Variants in TMEM117 observed in about 807,000 individuals in gnomAD.
TMEM117 encodes transmembrane protein 117.
A neutral mutation model predicts 52.4 loss-of-function variants in TMEM117; 27 were observed. That is an observed-to-expected ratio of 0.51 (90% CI 0.38 to 0.71). The LOEUF (loss-of-function observed/expected upper bound fraction) is 0.71, where lower values mean the gene tolerates loss of function less well. Ranked by LOEUF, TMEM117 falls within the 30% of genes least tolerant of loss-of-function variation. The pLI is 0.00. For missense variants in TMEM117, 556 were observed against 630.5 expected, an observed-to-expected ratio of 0.88 and a Z score of 1.26; for synonymous variants, 215 against 206.3, an observed-to-expected ratio of 1.04 and a Z score of -0.36.
chr12:44,046,479 G>A (rs377363816), intron 3 of TMEM117, among the ~76,000 whole-genome samples: 1 of 152,154 alleles, frequency 6.6e-6, no homozygotes, highest in Non-Finnish European at 1.5e-5. Context: ...CTGTGATTAA[G>A]GTCAATGGGA....
intron 3 of TMEM117, among the ~76,000 whole-genome samples, chr12:44,065,797 C>T (rs1947213250): frequency 6.6e-6 from 1 of 152,162 alleles, no homozygotes; most frequent in South Asian, 2.1e-4. Context: ...AGCTAACATT[C>T]AGCAAAGTGG....
intron 2 of TMEM117, among the ~76,000 whole-genome samples, chr12:43,861,796 T>A (rs1052251163): frequency 6.8e-6 from 1 of 147,142 alleles, no homozygotes; most frequent in Admixed American, 6.8e-5. Flanking sequence ...CAGTGGTGAA[T>A]AATAATAATA....
intron 3 of TMEM117, among the ~76,000 whole-genome samples, chr12:44,049,392 A>G (rs2137920358): frequency 6.6e-6 from 1 of 152,216 alleles, no homozygotes; most frequent in East Asian, 1.9e-4. Context: ...AGGGAGGGGA[A>G]CATCACACAC....
the TMEM117 span, chr12:43,797,171 T>G: frequency 6.7e-7 from 1 of 1,491,778 alleles, no homozygotes; most frequent in Middle Eastern, 1.9e-4. Flanking sequence ...TATATAAACT[T>G]CATAAAAACA....
intron 4 of TMEM117, among the ~76,000 whole-genome samples, chr12:44,175,169 G>A (rs1276600848): frequency 6.6e-6 from 1 of 152,172 alleles, no homozygotes; most frequent in Non-Finnish European, 1.5e-5. Flanking sequence ...TTTTTTTGAG[G>A]ACAAAGAGTT....
chr12:44,070,619 G>A (rs920063923), intron 3 of TMEM117, among the ~76,000 whole-genome samples: 18 of 152,190 alleles, frequency 1.2e-4, no homozygotes, highest in African/African-American at 4.1e-4. Flanking sequence ...GAGATGGCAA[G>A]CTTCATTTTA....
chr12:43,860,136 C>T (rs866669886), intron 2 of TMEM117, among the ~76,000 whole-genome samples: 2 of 152,172 alleles, frequency 1.3e-5, no homozygotes, highest in African/African-American at 2.4e-5. Context: ...AACCCATCAC[C>T]TACATTAGGT....
chr12:44,028,929 A>T (rs1196140680), intron 3 of TMEM117, among the ~76,000 whole-genome samples: 1 of 152,114 alleles, frequency 6.6e-6, no homozygotes, highest in Non-Finnish European at 1.5e-5. Flanking sequence ...CCTGACCCAA[A>T]TGCTAACTTT....
chr12:43,936,551 G>A (rs1420270211), intron 2 of TMEM117, among the ~76,000 whole-genome samples: 2 of 152,096 alleles, frequency 1.3e-5, no homozygotes, highest in Non-Finnish European at 2.9e-5. Flanking sequence ...ATGAAGACAA[G>A]GACTGAGGAC....
chr12:44,185,177 A>C (rs1274555657), intron 4 of TMEM117, among the ~76,000 whole-genome samples: 1 of 152,180 alleles, frequency 6.6e-6, no homozygotes, highest in East Asian at 1.9e-4. Flanking sequence ...ATGCCTTTTG[A>C]TAAGAGCTGA....
intron 3 of TMEM117, among the ~76,000 whole-genome samples, chr12:43,989,288 A>G (rs1945898847): frequency 6.6e-6 from 1 of 152,080 alleles, no homozygotes; most frequent in South Asian, 2.1e-4. Context: ...TATATTATTC[A>G]TTGCTTTCTA....
intron 3 of TMEM117, among the ~76,000 whole-genome samples, chr12:43,955,164 C>T (rs1206332763): frequency 1.3e-5 from 2 of 151,690 alleles, no homozygotes; most frequent in East Asian, 3.9e-4. Flanking sequence ...TGACAAAAAA[C>T]AGTCAATAAC....
chr12:44,269,286 A>G (rs1404723345), intron 5 of TMEM117, among the ~76,000 whole-genome samples: 2 of 152,074 alleles, frequency 1.3e-5, no homozygotes, highest in African/African-American at 2.4e-5. Flanking sequence ...TACCACCCCA[A>G]TCCACACTCC....
chr12:44,363,723 G>T (rs1469850624), intron 6 of TMEM117, among the ~76,000 whole-genome samples: 6 of 152,162 alleles, frequency 3.9e-5, no homozygotes, highest in Non-Finnish European at 7.4e-5. Flanking sequence ...TCTAAAAGAA[G>T]AGATTTGAAG....
chr12:44,009,080 T>G (rs934648945), intron 3 of TMEM117: 1 of 364,990 alleles, frequency 2.7e-6, no homozygotes. Context: ...CTGTGTGGTG[T>G]TTCCCATGAA....
chr12:44,250,074 A>C (rs1206827854), intron 5 of TMEM117, among the ~76,000 whole-genome samples: 2 of 152,186 alleles, frequency 1.3e-5, no homozygotes, highest in African/African-American at 2.4e-5. Context: ...AATGGGAGAA[A>C]ATTTTTGCAG....
chr12:44,306,358 A>G lies in TMEM117; in HGVS notation c.768+6619A>G, dbSNP rs200055492. On this transcript the variant is annotated intron_variant, in intron 6 of 7. Coordinates refer to ENST00000266534, the MANE Select transcript of TMEM117 (RefSeq NM_032256.3). ...CTAGCAGAAATCTACTCATATTTCT[A>G]TATCAATAAATACAAATATATGTGT... 3.9e-5 allele frequency among the ~76,000 whole-genome samples: 6 copies of G among 152,348 alleles called. No individual in the cohort carries two copies. The East Asian group carries it at 7.7e-4, about 20-fold the overall frequency.
chr12:44,376,464 A>C, intron 6 of TMEM117, 131 bp from the exon 7 acceptor site: 1 of 1,073,628 alleles, frequency 9.3e-7, no homozygotes, highest in Non-Finnish European at 1.4e-6. Flanking sequence ...ACAGAATGAA[A>C]CTGATATATC....
At chr12:44,154,645 C>G (rs1045937884) in intron 4 of TMEM117, among the ~76,000 whole-genome samples, 3 of 150,208 alleles carry the variant, frequency 2.0e-5, no homozygotes, top group East Asian at 3.9e-4. Context: ...ATAATAGAAT[C>G]AAGGAAGAAT....
Sources: allele counts gnomAD v4.1 joint callset (sites outside exome capture counted in the v4.1 genomes callset), GRCh38; gene constraint gnomAD v4.1.1; transcripts MANE v1.5; gene names NCBI Gene and HGNC (gene_info 2026-07-23, HGNC 2026-07-21).